MEGF11: variants seen among roughly 807,000 people sequenced by gnomAD.
MEGF11 encodes the protein multiple EGF like domains 11.
Under a neutral mutation model 146.6 loss-of-function variants are expected in MEGF11, and 126 were observed. That is an observed-to-expected ratio of 0.86 (90% CI 0.74 to 1.00). The LOEUF (loss-of-function observed/expected upper bound fraction) is 1.00, where lower values mean the gene tolerates loss of function less well. Among genes scored for constraint, MEGF11 ranks in the 50% least tolerant of loss-of-function variants. The probability of loss-of-function intolerance (pLI) is 0.00; values close to 1 mark genes in which losing one functional copy is unlikely to be tolerated. For synonymous variants in MEGF11, 532 were observed against 583.4 expected, an observed-to-expected ratio of 0.91 and a Z score of 1.27; for missense variants, 1,509 against 1,521.2, an observed-to-expected ratio of 0.99 and a Z score of 0.13.
chr15:65,921,044 T>C (rs913139107), intron 15 of MEGF11, among the ~76,000 whole-genome samples: 5 of 152,220 alleles, frequency 3.3e-5, no homozygotes, highest in African/African-American at 7.2e-5. Flanking sequence ...CTGTCACATA[T>C]GTTTCTCTGG....
intron 4 of MEGF11, among the ~76,000 whole-genome samples, chr15:66,112,873 T>C (rs184854174): frequency 7.2e-5 from 11 of 152,274 alleles, no homozygotes; most frequent in Non-Finnish European, 1.3e-4. Context: ...CATAGGAGCA[T>C]TGGTAACTCA....
chr15:65,970,767 G>A (rs918129534), intron 7 of MEGF11, 78 bp from the exon 8 acceptor site: 1 of 1,496,726 alleles, frequency 6.7e-7, no homozygotes. Context: ...CACCTGCTGT[G>A]GCTCCAGGGA....
chr15:65,897,050 C>T lies in MEGF11; in HGVS notation c.*884G>A, dbSNP rs564825816. On this transcript the variant is annotated 3_prime_UTR_variant, in exon 26 of 26. Coordinates refer to ENST00000395614, the MANE Select transcript of MEGF11 (RefSeq NM_001385028.1). Reference sequence around the variant, plus strand: ...AAATAAAATGAGGAGGCCAACTAGCCGTCTTTTACTTAATCCCGACCAGTC... The same window carrying T: ...AAATAAAATGAGGAGGCCAACTAGCTGTCTTTTACTTAATCCCGACCAGTC... 5 of 152,144 alleles carry T rather than the reference C, an allele frequency of 3.3e-5. No individual in the cohort carries two copies. Among genetic ancestry groups the T allele is most frequent in the East Asian group, 3.8e-4 (2 of 5,200 alleles). The allele number at this position is 152,144 out of a possible 1,614,324, so 9.4% of individuals were successfully genotyped here. A position where few individuals can be genotyped will look rare whatever the true frequency, so the allele number is the denominator to read the frequency against.
intron 1 of MEGF11, among the ~76,000 whole-genome samples, chr15:66,159,585 C>G (rs2089880674): frequency 6.6e-6 from 1 of 152,216 alleles, no homozygotes; most frequent in Admixed American, 6.5e-5. Flanking sequence ...CAGAAGGACA[C>G]TCAGTGACCT....
At chr15:66,170,299 C>G (rs554494635) in intron 1 of MEGF11, among the ~76,000 whole-genome samples, 35 of 152,240 alleles carry the variant, frequency 2.3e-4, no homozygotes, top group African/African-American at 8.4e-4. Context: ...GAGAGCTCTT[C>G]TGGATATTTT....
rs150172073 is a variant in MEGF11 at position 66,024,744 on chromosome 15, G to A, written c.395-42256C>T. ...GCTTCAGAGCTTGTGAAAACCAAAG[G>A]AGAAGGGGCTCTATAAAGGGCTTTG... On this transcript the variant is annotated intron_variant, in intron 5 of 25. Coordinates refer to ENST00000395614, the MANE Select transcript of MEGF11 (RefSeq NM_001385028.1). Among the ~76,000 whole-genome samples the A allele has an allele frequency of 1.3e-4, 20 of 152,274 alleles. No individual in the cohort carries two copies. The East Asian group carries it at 3.7e-3, about 28-fold the overall frequency.
At chr15:65,947,853 C>T (rs1341015564) in intron 10 of MEGF11, among the ~76,000 whole-genome samples, 1 of 152,226 alleles carries the variant, frequency 6.6e-6, no homozygotes, top group Admixed American at 6.5e-5. Context: ...AGGCCTGAGA[C>T]AAAGCCCCAG....
At chr15:66,115,042 A>G (rs1382725321) in intron 4 of MEGF11, among the ~76,000 whole-genome samples, 2 of 152,224 alleles carry the variant, frequency 1.3e-5, no homozygotes, top group Non-Finnish European at 2.9e-5. Context: ...TTGGTGGCTG[A>G]GTCAGCCAAG....
At chr15:66,134,472 C>T (rs778592233) in intron 1 of MEGF11, among the ~76,000 whole-genome samples, 2 of 138,108 alleles carry the variant, frequency 1.4e-5, no homozygotes, top group Non-Finnish European at 3.3e-5. Flanking sequence ...CCTCCCCACC[C>T]GCAATCTGCC....
intron 24 of MEGF11, among the ~76,000 whole-genome samples, chr15:65,901,560 G>GT (rs916157999): frequency 4.0e-5 from 6 of 151,834 alleles, no homozygotes; most frequent in African/African-American, 1.5e-4. Context: ...CCCTCACTAC[G>GT]TGTCTTGTTA....
At chr15:66,170,993 C>T (rs1056472075) in intron 1 of MEGF11, among the ~76,000 whole-genome samples, 1 of 152,242 alleles carries the variant, frequency 6.6e-6, no homozygotes, top group African/African-American at 2.4e-5. Context: ...CATGTCCTCG[C>T]TCAGCTCCTT....
chr15:66,099,783 T>G (rs2086709525), intron 4 of MEGF11, among the ~76,000 whole-genome samples: 1 of 152,172 alleles, frequency 6.6e-6, no homozygotes, highest in Admixed American at 6.5e-5. Flanking sequence ...TGGGGTACCA[T>G]GGCCCCTGAG....
chr15:65,960,653 A>C (rs2080826868), intron 9 of MEGF11, among the ~76,000 whole-genome samples: 1 of 152,196 alleles, frequency 6.6e-6, no homozygotes, highest in Non-Finnish European at 1.5e-5. Flanking sequence ...AGCACTGGAG[A>C]TTCTAAAAGG....
At chr15:66,081,674 T>C (rs1356883806) in intron 5 of MEGF11, among the ~76,000 whole-genome samples, 1 of 152,200 alleles carries the variant, frequency 6.6e-6, no homozygotes, top group African/African-American at 2.4e-5. Flanking sequence ...CGACTGCGCC[T>C]GGCCCTTCCC....
chr15:66,226,952 TGG>T (rs2091866248), intron 1 of MEGF11, among the ~76,000 whole-genome samples: 1 of 152,190 alleles, frequency 6.6e-6, no homozygotes, highest in Admixed American at 6.5e-5. Context: ...AGTCACAAGA[TGG>T]TCTTCTCGTT....
intron 10 of MEGF11, among the ~76,000 whole-genome samples, chr15:65,954,544 C>T (rs977663154): frequency 2.0e-5 from 3 of 152,114 alleles, no homozygotes; most frequent in Non-Finnish European, 4.4e-5. Flanking sequence ...CCAGGAATAA[C>T]GAGGCTGGGT....
chr15:66,170,259 G>A (rs1329071161), intron 1 of MEGF11, among the ~76,000 whole-genome samples: 1 of 152,202 alleles, frequency 6.6e-6, no homozygotes. Context: ...TCCTGACACC[G>A]CTCAGCCTGC....
chr15:66,070,069 A>T (rs950795411), intron 5 of MEGF11, among the ~76,000 whole-genome samples: 1 of 152,224 alleles, frequency 6.6e-6, no homozygotes, highest in Non-Finnish European at 1.5e-5. Flanking sequence ...AAATGACCTC[A>T]GCAGTCTGGG....
rs971107860 is a variant in MEGF11, at chr15:65,918,080, A to G, written c.1972T>C (p.Tyr658His). ...ALCNQVCAGG[Y>H]FGQDCAQLCS... is the part of the protein sequence containing the mutation. The stretch of plus-strand genomic sequence containing the variant: ...AGCTGGGCACAGTCCTGCCCAAAGT[A>G]TCCTCCAGCACACACTGTGGGCACA... The change falls in exon 16 of 26, where the codon TAC becomes CAC. Residue 658 changes from tyrosine (Y) to histidine (H), a missense_variant. Coordinates refer to ENST00000395614, the MANE Select transcript of MEGF11 (RefSeq NM_001385028.1). 11 of 1,613,780 alleles carry G rather than the reference A, an allele frequency of 6.8e-6. No individual in the cohort carries two copies. Among genetic ancestry groups the G allele is most frequent in the Middle Eastern group, 1.7e-4 (1 of 6,052 alleles).
Sources: allele counts gnomAD v4.1 joint callset (sites outside exome capture counted in the v4.1 genomes callset), GRCh38; gene constraint gnomAD v4.1.1; transcripts MANE v1.5; gene names NCBI Gene and HGNC (gene_info 2026-07-23, HGNC 2026-07-21).